Variants in DNAH10 observed in about 807,000 individuals in gnomAD.
The protein encoded by DNAH10 is dynein axonemal heavy chain 10, also known as axonemal beta dynein heavy chain 10.
Under a neutral mutation model 506.6 loss-of-function variants are expected in DNAH10, and 348 were observed. The observed-to-expected ratio is 0.69, with a 90% confidence interval of 0.63 to 0.75. The LOEUF is 0.75. DNAH10 is among the 30% of genes least tolerant of loss of function. The probability of loss-of-function intolerance (pLI) is 0.00; values close to 1 mark genes in which losing one functional copy is unlikely to be tolerated. For synonymous variants in DNAH10, 2,059 were observed against 2,198.6 expected (o/e 0.94, Z 1.78); for missense variants, 5,179 against 5,787.1 (o/e 0.89, Z 3.41).
chr12:123,918,639 T>G (rs1163247654), intron 64 of DNAH10, 37 bp from the exon 65 acceptor site: 1 of 1,530,540 alleles, frequency 6.5e-7, no homozygotes, highest in African/African-American at 1.4e-5. Context: ...CACATCTCAG[T>G]CTTCCTGTTT....
intron 24 of DNAH10, among the ~76,000 whole-genome samples, chr12:123,826,435 G>A (rs913087571): frequency 1.3e-5 from 2 of 152,184 alleles, no homozygotes; most frequent in Middle Eastern, 6.3e-3. Flanking sequence ...TTTAGAAAGG[G>A]AAGATGTATT....
At chr12:123,932,983 G>A (rs1192707487) in intron 76 of DNAH10, among the ~76,000 whole-genome samples, 3 of 152,122 alleles carry the variant, frequency 2.0e-5, no homozygotes, top group Non-Finnish European at 4.4e-5. Flanking sequence ...CTTTGCTTAC[G>A]GTATTTTTTC....
intron 2 of DNAH10, among the ~76,000 whole-genome samples, chr12:123,770,869 T>A (rs1237555469): frequency 1.3e-5 from 2 of 152,124 alleles, no homozygotes; most frequent in African/African-American, 4.8e-5. Flanking sequence ...AGAGTGGACT[T>A]GAGACAGGTG....
chr12:123,808,723 C>G (rs867146003), intron 18 of DNAH10, 74 bp from the exon 19 acceptor site: 4 of 1,528,042 alleles, frequency 2.6e-6, no homozygotes, highest in Middle Eastern at 1.7e-4. Context: ...TGGCCCTGGT[C>G]ATTTCCATCA....
intron 28 of DNAH10, among the ~76,000 whole-genome samples, chr12:123,837,932 A>T (rs1257098664): frequency 1.3e-5 from 2 of 152,076 alleles, no homozygotes; most frequent in Non-Finnish European, 2.9e-5. Flanking sequence ...TTTTTATTGA[A>T]CAGTTTGACC....
Position 123,887,188 on chromosome 12 carries a change from G to A in DNAH10, c.8870G>A (p.Arg2957Gln), listed in dbSNP as rs192293766. The A allele has an allele frequency of 7.9e-5, 127 of 1,612,886 alleles. No individual in the cohort carries two copies. The African/African-American group carries it at 1.2e-3, about 16-fold the overall frequency. The change falls in exon 52 of 79, where the codon CGG becomes CAG. Residue 2957 changes from arginine (R) to glutamine (Q), a missense_variant. This residue lies in a region of DNAH10 where 4,844 missense variants were observed against 5,430.5 expected (regional missense o/e 0.89). Coordinates refer to ENST00000673944, the MANE Select transcript of DNAH10 (RefSeq NM_001372106.1). ...CGAGGCTACTCGGAGAACAGTTTCC[G>A]GGAAGACCTGAAGAGCCTCTATTTG... ...LSRGYSENSF[R>Q]EDLKSLYLKL...
rs570629983 is a variant in DNAH10, at chr12:123,862,458, C to T, written c.6908+1288C>T. Among the ~76,000 whole-genome samples, 5 of 152,150 alleles carry T rather than the reference C, an allele frequency of 3.3e-5. No homozygotes were observed. The South Asian group carries it at 6.2e-4, about 19-fold the overall frequency. ...CAGGCTAAGTTCAGTCACATGATCA[C>T]GGCTCACTGCAGCCTCAAACTCCTG... On this transcript the variant is annotated intron_variant, in intron 39 of 78. Transcript: ENST00000673944.
At chr12:123,775,193 G>A (rs1458977431) in intron 5 of DNAH10, among the ~76,000 whole-genome samples, 1 of 152,136 alleles carries the variant, frequency 6.6e-6, no homozygotes, top group African/African-American at 2.4e-5. Flanking sequence ...ACGGCTCACT[G>A]CAGCCTCAAC....
At chr12:123,873,365 A>C (rs1952113543) in intron 45 of DNAH10, among the ~76,000 whole-genome samples, 193 bp from the exon 46 acceptor site, 1 of 152,238 alleles carries the variant, frequency 6.6e-6, no homozygotes, top group South Asian at 2.1e-4. Flanking sequence ...GACTCATACA[A>C]TCTGCTGAAA....
At chr12:123,906,310 C>T (rs977376170) in intron 57 of DNAH10, among the ~76,000 whole-genome samples, 3 of 151,948 alleles carry the variant, frequency 2.0e-5, no homozygotes, top group Non-Finnish European at 4.4e-5. Flanking sequence ...GGCGCGATCT[C>T]GGCTCACTGC....
chr12:123,779,032 T>C (rs2136008928), intron 5 of DNAH10, among the ~76,000 whole-genome samples: 1 of 152,146 alleles, frequency 6.6e-6, no homozygotes, highest in South Asian at 2.1e-4. Context: ...CCCGAGTAGC[T>C]GGGACTAGAG....
At chr12:123,851,109 T>C (rs763054646) in intron 35 of DNAH10, 33 bp downstream of exon 35, 2 of 1,545,876 alleles carry the variant, frequency 1.3e-6, no homozygotes, top group African/African-American at 2.7e-5. Flanking sequence ...GGTCGTGCAG[T>C]GCAGACTTCA....
chr12:123,805,145 T>C (rs1432352772), intron 18 of DNAH10, 105 bp downstream of exon 18: 3 of 1,236,244 alleles, frequency 2.4e-6, no homozygotes. Context: ...GAAAATCAGT[T>C]GGATGGTCAG....
At chr12:123,790,165 T>C (rs1958025943) in intron 11 of DNAH10, 44 bp downstream of exon 11, 1 of 1,575,504 alleles carries the variant, frequency 6.3e-7, no homozygotes, top group African/African-American at 1.4e-5. Flanking sequence ...GTCGACACCA[T>C]GTTTTCTCTG....
chr12:123,928,387 G>A lies in DNAH10; in HGVS notation c.12106G>A (p.Val4036Met). 6.3e-7 allele frequency: 1 copy of A among 1,593,160 alleles called. No individual in the cohort carries two copies. ...FLAMGQGQEK[V>M]ALQLLETAVA... is the part of the protein sequence containing the mutation. ...TCCTCTTCCCTCTCCCCCGGCGCAG[G>A]TGGCCCTGCAGCTGCTGGAGACGGC... Residue 4036 changes from valine (V) to methionine (M), a missense_variant and splice_region_variant, in exon 70 of 79, where the codon GTG (valine) becomes ATG (methionine). Coordinates refer to ENST00000673944, the MANE Select transcript of DNAH10 (RefSeq NM_001372106.1). This position sits in a 1 kb window ranked among gnomAD's most constrained non-coding sequence, Gnocchi z 4.9.
At position 123,877,719 on chromosome 12, in the gene DNAH10, G is replaced by A. The variant is rs1311499385; in HGVS notation, c.8200-17G>A. 1.2e-6 allele frequency: 2 copies of A among 1,602,038 alleles called. No individual in the cohort carries two copies. The highest frequency in any genetic ancestry group is 3.4e-5 in the Admixed American group (2 of 58,254). On this transcript the variant is annotated splice_polypyrimidine_tract_variant and intron_variant, in intron 47 of 78. Coordinates refer to ENST00000673944, the MANE Select transcript of DNAH10 (RefSeq NM_001372106.1). ...AGGACATTTGTGTGTTGGGGGGGGT[G>A]TCTTTGCATTTTTCAGACGTTTCAT... is the stretch of plus-strand genomic sequence containing the variant.
Position 123,893,549 on chromosome 12 carries a change from A to G in DNAH10, c.9199+113A>G, listed in dbSNP as rs1953083780. 4.1e-6 allele frequency: 5 copies of G among 1,226,388 alleles called. No homozygotes were observed. The East Asian group carries it at 1.2e-4, about 30-fold the overall frequency. The allele number at this position is 1,226,388 out of a possible 1,614,324, so 76.0% of individuals were successfully genotyped here. ...CAGCAAAGCAAAACAAGACACGGCC[A>G]TTAGGTGGAAATGTGGGCTCTGCAC... On this transcript the variant is annotated intron_variant, in intron 53 of 78. Coordinates refer to ENST00000673944, the MANE Select transcript of DNAH10 (RefSeq NM_001372106.1).
At chr12:123,792,756 C>T (rs867733130) in intron 11 of DNAH10, among the ~76,000 whole-genome samples, 12 of 152,176 alleles carry the variant, frequency 7.9e-5, no homozygotes, top group East Asian at 1.9e-4. Context: ...CCACCACACC[C>T]GGCCAGCTTG....
At chr12:123,773,856 C>A (rs1957343953) in intron 4 of DNAH10, among the ~76,000 whole-genome samples, 1 of 152,210 alleles carries the variant, frequency 6.6e-6, no homozygotes, top group African/African-American at 2.4e-5. Flanking sequence ...CTAGACAACC[C>A]AAATAATTTC....
Sources: gnomAD v4.1 joint callset for allele counts (sites outside exome capture counted in the v4.1 genomes callset) on GRCh38, gnomAD v4.1.1 for gene constraint, gnomAD v4.1.1 regional missense constraint, Gnocchi (gnomAD v3.1) non-coding constraint, MANE v1.5 for transcripts, NCBI Gene and HGNC (gene_info 2026-07-23, HGNC 2026-07-21) for gene names.